Variants in LSAMP observed in about 807,000 individuals in gnomAD.
LSAMP encodes limbic system associated membrane protein, also known as limbic system-associated membrane protein.
Under a neutral mutation model 38.6 loss-of-function variants are expected in LSAMP, and 7 were observed. That is an observed-to-expected ratio of 0.18 (90% CI 0.10 to 0.34). LSAMP has a LOEUF of 0.34. LSAMP is among the 10% of genes least tolerant of loss of function. The probability of loss-of-function intolerance (pLI) is 1.00; values close to 1 mark genes in which losing one functional copy is unlikely to be tolerated. For synonymous variants in LSAMP, 154 were observed against 166.8 expected, an observed-to-expected ratio of 0.92 and a Z score of 0.59; for missense variants, 313 against 420.0, an observed-to-expected ratio of 0.75 and a Z score of 2.23.
At chr3:115,905,841 G>T in intron 3 of LSAMP, among the ~76,000 whole-genome samples, 1 of 152,108 alleles carries the variant, frequency 6.6e-6, no homozygotes, top group Non-Finnish European at 1.5e-5. Context: ...AGGGCATCAG[G>T]AACTCAAAAT....
intron 1 of LSAMP, among the ~76,000 whole-genome samples, chr3:116,328,074 C>T (rs1034498268): frequency 1.3e-5 from 2 of 152,020 alleles, no homozygotes; most frequent in South Asian, 2.1e-4. Flanking sequence ...TTAGTTGAGC[C>T]CCGAAGTGTT....
rs142666970 is a variant in LSAMP at position 115,878,390 on chromosome 3, G to A, written c.515-25773C>T. On this transcript the variant is annotated intron_variant, in intron 3 of 6. Coordinates refer to ENST00000490035, the MANE Select transcript of LSAMP (RefSeq NM_002338.5). ...ACAAACAAGGAAGAGATAAGAAAAC[G>A]CATCTGCCTCAGACATTATTAACCA... is the stretch of plus-strand genomic sequence containing the variant. 4.4e-3 allele frequency among the ~76,000 whole-genome samples: 658 copies of A among 148,826 alleles called. 3 individuals are homozygous for A. The highest frequency in any genetic ancestry group is 0.015 in the South Asian group (72 of 4,690).
intron 1 of LSAMP, among the ~76,000 whole-genome samples, chr3:116,251,534 AAGATAAT>A (rs2046684671): frequency 6.6e-6 from 1 of 152,224 alleles, no homozygotes; most frequent in Admixed American, 6.5e-5. Context: ...CAGGTGAGAT[AAGATAAT>A]ACAGACCCAG....
At chr3:116,033,413 G>A (rs1213469402) in intron 2 of LSAMP, among the ~76,000 whole-genome samples, 1 of 152,112 alleles carries the variant, frequency 6.6e-6, no homozygotes, top group African/African-American at 2.4e-5. Flanking sequence ...ATGTTATGGA[G>A]AAAATGTCAA....
intron 1 of LSAMP, among the ~76,000 whole-genome samples, chr3:116,323,917 G>A (rs2047738535): frequency 5.3e-5 from 8 of 152,080 alleles, no homozygotes. Context: ...TTCCTTCCAA[G>A]CTTAAATTGC....
intron 1 of LSAMP, among the ~76,000 whole-genome samples, chr3:116,277,817 C>A (rs1404088700): frequency 2.0e-5 from 3 of 152,064 alleles, no homozygotes; most frequent in African/African-American, 7.2e-5. Context: ...ATTTAGAGAA[C>A]CATGAGAGAC....
chr3:116,022,790 A>T (rs1940675443), intron 2 of LSAMP, among the ~76,000 whole-genome samples: 1 of 152,178 alleles, frequency 6.6e-6, no homozygotes, highest in Non-Finnish European at 1.5e-5. Flanking sequence ...TGCAGCCCAG[A>T]TATTTTTCAT....
chr3:116,333,637 G>A (rs1166250137), intron 1 of LSAMP, among the ~76,000 whole-genome samples: 1 of 151,304 alleles, frequency 6.6e-6, no homozygotes, highest in Admixed American at 6.6e-5. Context: ...TCACAAATTT[G>A]TGGAAATTAA....
At chr3:115,820,248 A>G (rs1283809629) in intron 6 of LSAMP, among the ~76,000 whole-genome samples, 1 of 152,216 alleles carries the variant, frequency 6.6e-6, no homozygotes, top group East Asian at 1.9e-4. Flanking sequence ...CCTGGAACCT[A>G]TGATTTTTAT....
intron 1 of LSAMP, among the ~76,000 whole-genome samples, chr3:116,322,369 T>C (rs1293100072): frequency 6.6e-6 from 1 of 152,206 alleles, no homozygotes; most frequent in African/African-American, 2.4e-5. Flanking sequence ...GCCTGCTTAT[T>C]CAACCAGAAA....
chr3:116,011,909 A>G (rs1940338024), intron 3 of LSAMP, among the ~76,000 whole-genome samples: 1 of 152,148 alleles, frequency 6.6e-6, no homozygotes, highest in Admixed American at 6.5e-5. Flanking sequence ...ATGAGACCTG[A>G]GATTGTCCCC....
At chr3:116,395,781 C>T (rs2048759371) in intron 1 of LSAMP, among the ~76,000 whole-genome samples, 1 of 152,072 alleles carries the variant, frequency 6.6e-6, no homozygotes, top group South Asian at 2.1e-4. Flanking sequence ...TTACTTTTCC[C>T]TTCTGTAGGA....
At chr3:116,141,778 T>C (rs1043310720) in intron 1 of LSAMP, among the ~76,000 whole-genome samples, 6 of 151,984 alleles carry the variant, frequency 3.9e-5, no homozygotes, top group African/African-American at 1.4e-4. Flanking sequence ...GGAGCTAAAA[T>C]GGCCTTTCAG....
chr3:115,916,088 G>A (rs867376780), intron 3 of LSAMP, among the ~76,000 whole-genome samples: 11 of 152,032 alleles, frequency 7.2e-5, no homozygotes, highest in South Asian at 2.1e-4. Context: ...CTGAAATGTG[G>A]AATATTAAAG....
At chr3:116,210,689 A>G (rs2046144498) in intron 1 of LSAMP, among the ~76,000 whole-genome samples, 1 of 152,228 alleles carries the variant, frequency 6.6e-6, no homozygotes, top group Non-Finnish European at 1.5e-5. Context: ...ATATACATAT[A>G]TCCTATTAGT....
chr3:115,921,876 C>G (rs1576220976), intron 3 of LSAMP, among the ~76,000 whole-genome samples: 1 of 152,218 alleles, frequency 6.6e-6, no homozygotes, highest in East Asian at 1.9e-4. Context: ...TAGGTCATCT[C>G]ACACTCTTCT....
At chr3:115,872,745 T>C (rs1936078453) in intron 3 of LSAMP, among the ~76,000 whole-genome samples, 1 of 152,126 alleles carries the variant, frequency 6.6e-6, no homozygotes, top group Non-Finnish European at 1.5e-5. Context: ...AGTACAAATA[T>C]TTAATCCCTG....
At chr3:116,399,794 C>A (rs534958600) in intron 1 of LSAMP, among the ~76,000 whole-genome samples, 12 of 152,280 alleles carry the variant, frequency 7.9e-5, no homozygotes, top group African/African-American at 2.2e-4. Flanking sequence ...TGTGAATTGT[C>A]AACTCTGACA....
At chr3:115,904,540 CTTATT>C (rs1215884540) in intron 3 of LSAMP, among the ~76,000 whole-genome samples, 2 of 152,106 alleles carry the variant, frequency 1.3e-5, no homozygotes, top group African/African-American at 4.8e-5. Flanking sequence ...CACTTTACAA[CTTATT>C]TTATTAGGCT....
Sources: allele counts gnomAD v4.1 joint callset (sites outside exome capture counted in the v4.1 genomes callset), GRCh38; gene constraint gnomAD v4.1.1; transcripts MANE v1.5; gene names NCBI Gene and HGNC (gene_info 2026-07-23, HGNC 2026-07-21).